TRAPPC9: variants seen among roughly 807,000 people sequenced by gnomAD.
TRAPPC9 encodes IKK2 binding protein.
Under a neutral mutation model 124.0 loss-of-function variants are expected in TRAPPC9, and 83 were observed. The observed-to-expected ratio is 0.67, with a 90% CI of 0.56 to 0.80. The LOEUF is 0.80. Among genes scored for constraint, TRAPPC9 ranks in the 30% least tolerant of loss-of-function variants. TRAPPC9 has a pLI of 0.00. For missense variants in TRAPPC9, 1,302 were observed against 1,508.3 expected (o/e 0.86, Z 2.27); for synonymous variants, 638 against 617.5 (o/e 1.03, Z -0.49).
At chr8:140,012,761 T>G (rs1044550090) in intron 18 of TRAPPC9, among the ~76,000 whole-genome samples, 3 of 152,134 alleles carry the variant, frequency 2.0e-5, no homozygotes, top group Non-Finnish European at 4.4e-5. Flanking sequence ...GGGCAACACG[T>G]TCTCTAGCCC....
intron 21 of TRAPPC9, among the ~76,000 whole-genome samples, chr8:139,783,563 C>T (rs1287136528): frequency 6.6e-6 from 1 of 152,078 alleles, no homozygotes; most frequent in African/African-American, 2.4e-5. Flanking sequence ...CTTCAGGTCC[C>T]GATTATTTTA....
At chr8:140,206,632 G>A (rs910678424) in intron 17 of TRAPPC9, among the ~76,000 whole-genome samples, 5 of 152,072 alleles carry the variant, frequency 3.3e-5, no homozygotes, top group African/African-American at 1.2e-4. Context: ...GATCTTTAAA[G>A]TGGCATTCAG....
chr8:139,784,726 A>C (rs1331910600), intron 21 of TRAPPC9, among the ~76,000 whole-genome samples: 1 of 150,866 alleles, frequency 6.6e-6, no homozygotes, highest in Non-Finnish European at 1.5e-5. Context: ...AGCATAAAGA[A>C]TATGAAATAC....
chr8:139,922,633 T>A (rs1331179259), intron 19 of TRAPPC9, among the ~76,000 whole-genome samples: 2 of 152,178 alleles, frequency 1.3e-5, no homozygotes, highest in East Asian at 3.9e-4. Context: ...TGGGGCAGCC[T>A]CCATAGGAGG....
At chr8:139,883,296 T>C (rs1413629185) in intron 21 of TRAPPC9, among the ~76,000 whole-genome samples, 1 of 152,180 alleles carries the variant, frequency 6.6e-6, no homozygotes, top group Non-Finnish European at 1.5e-5. Context: ...ACCTGGGACT[T>C]TGCAGCCTCT....
chr8:139,779,559 G>A (rs1044523455), intron 21 of TRAPPC9, among the ~76,000 whole-genome samples: 5 of 152,160 alleles, frequency 3.3e-5, no homozygotes, highest in Non-Finnish European at 7.4e-5. Flanking sequence ...TAGTATTAAA[G>A]CCCATAGGGA....
chr8:139,754,123 T>A (rs567220438), intron 21 of TRAPPC9, among the ~76,000 whole-genome samples: 1 of 152,258 alleles, frequency 6.6e-6, no homozygotes, highest in Admixed American at 6.5e-5. Context: ...GCAGCCACCA[T>A]TAGATTGAAA....
chr8:139,894,558 G>T (rs1159188844), intron 20 of TRAPPC9, among the ~76,000 whole-genome samples: 2 of 152,074 alleles, frequency 1.3e-5, no homozygotes, highest in African/African-American at 2.4e-5. Context: ...CTGCAGCGGA[G>T]GGAGGGGGGG....
At chr8:139,915,464 C>A (rs1347524749) in intron 19 of TRAPPC9, among the ~76,000 whole-genome samples, 6 of 152,162 alleles carry the variant, frequency 3.9e-5, no homozygotes, top group African/African-American at 1.4e-4. Flanking sequence ...CCAGGCTGGT[C>A]TCGAACTCCT....
intron 18 of TRAPPC9, among the ~76,000 whole-genome samples, chr8:140,022,830 T>G (rs1011540068): frequency 1.3e-5 from 2 of 152,224 alleles, no homozygotes; most frequent in Non-Finnish European, 2.9e-5. Flanking sequence ...TGAAATGTGA[T>G]GCTAAAAGGC....
chr8:140,183,692 T>C (rs1322505259), intron 17 of TRAPPC9, among the ~76,000 whole-genome samples: 2 of 151,468 alleles, frequency 1.3e-5, no homozygotes, highest in Non-Finnish European at 2.9e-5. Flanking sequence ...ACGTCTCTAC[T>C]AAAAATACAA....
chr8:139,964,383 T>A (rs1835559671), intron 19 of TRAPPC9, among the ~76,000 whole-genome samples: 1 of 152,046 alleles, frequency 6.6e-6, no homozygotes, highest in Admixed American at 6.6e-5. Context: ...CATAGCCAAC[T>A]CTGGAATGCA....
At chr8:140,438,223 A>G (rs899589625) in intron 3 of TRAPPC9, among the ~76,000 whole-genome samples, 11 of 152,052 alleles carry the variant, frequency 7.2e-5, no homozygotes, top group Non-Finnish European at 1.3e-4. Context: ...AGATTTGCCT[A>G]TTCTAGCCAC....
At chr8:139,771,465 C>T (rs1182375258) in intron 21 of TRAPPC9, among the ~76,000 whole-genome samples, 1 of 152,176 alleles carries the variant, frequency 6.6e-6, no homozygotes, top group Non-Finnish European at 1.5e-5. Flanking sequence ...CACTACTCAT[C>T]CATGCCTCTG....
chr8:139,860,261 A>C (rs1828043279), intron 21 of TRAPPC9, among the ~76,000 whole-genome samples: 1 of 152,184 alleles, frequency 6.6e-6, no homozygotes, highest in African/African-American at 2.4e-5. Flanking sequence ...TAGCCCACTG[A>C]AGACCAGCCG....
intron 11 of TRAPPC9, 186 bp from the exon 12 acceptor site, chr8:140,291,264 C>A: frequency 1.5e-6 from 1 of 659,050 alleles, no homozygotes. Context: ...AGCAAGGTAG[C>A]TGTCACTGGC....
intron 12 of TRAPPC9, among the ~76,000 whole-genome samples, chr8:140,288,173 C>T (rs1015664911): frequency 6.6e-5 from 10 of 152,176 alleles, no homozygotes; most frequent in Non-Finnish European, 1.3e-4. Flanking sequence ...AAGACCCCAT[C>T]TCTACAAAAA....
chr8:140,188,949 T>C (rs549360233), intron 17 of TRAPPC9, among the ~76,000 whole-genome samples: 1 of 151,862 alleles, frequency 6.6e-6, no homozygotes, highest in African/African-American at 2.4e-5. Flanking sequence ...AAATACCCTC[T>C]GAAACCAGCC....
intron 17 of TRAPPC9, among the ~76,000 whole-genome samples, chr8:140,062,321 T>C (rs888479457): frequency 1.3e-5 from 2 of 152,222 alleles, no homozygotes; most frequent in African/African-American, 2.4e-5. Flanking sequence ...GACCTCAGCA[T>C]GATCTCAGAC....
Sources: allele counts gnomAD v4.1 joint callset (sites outside exome capture counted in the v4.1 genomes callset), GRCh38; gene constraint gnomAD v4.1.1; transcripts MANE v1.5; gene names NCBI Gene and HGNC (gene_info 2026-07-23, HGNC 2026-07-21).